The following COL21A1 variants were observed in gnomAD, a reference collection of about 807,000 sequenced individuals.
COL21A1 encodes the protein collagen type XXI alpha 1 chain.
A neutral mutation model predicts 137.9 loss-of-function variants in COL21A1; 149 were observed. That is an observed-to-expected ratio of 1.08 (90% CI 0.95 to 1.24). The LOEUF (loss-of-function observed/expected upper bound fraction) is 1.24, where lower values mean the gene tolerates loss of function less well. Among genes scored for constraint, COL21A1 ranks in the 50% most tolerant of loss-of-function variants. The pLI is 0.00. For missense variants in COL21A1, 1,167 were observed against 1,158.4 expected (o/e 1.01, Z -0.11); for synonymous variants, 456 against 391.5 (o/e 1.16, Z -1.95).
At chr6:56,088,341 GC>G (rs1768458128) in intron 17 of COL21A1, among the ~76,000 whole-genome samples, 1 of 152,050 alleles carries the variant, frequency 6.6e-6, no homozygotes. Flanking sequence ...TCCAGCCTGG[GC>G]AACAGAGTGA....
chr6:56,382,641 T>C (rs1317377585), intron 1 of COL21A1, among the ~76,000 whole-genome samples: 1 of 152,074 alleles, frequency 6.6e-6, no homozygotes, highest in African/African-American at 2.4e-5. Flanking sequence ...AGGAAGATCC[T>C]TTCCTCTCCC....
At chr6:56,076,401 G>A (rs12189737) in intron 18 of COL21A1, among the ~76,000 whole-genome samples, 23,427 of 151,112 alleles carry the variant, frequency 0.16, 1,845 homozygotes, top group Middle Eastern at 0.22. Flanking sequence ...AGAATAATAA[G>A]TAATAAATAA....
chr6:56,276,444 G>A (rs771907188), intron 1 of COL21A1: 324 of 608,804 alleles, frequency 5.3e-4, no homozygotes, highest in Non-Finnish European at 8.7e-4. Flanking sequence ...GTCAACAAAA[G>A]TCTTTCTTTC....
chr6:56,262,808 C>T (rs1763308851), intron 1 of COL21A1, among the ~76,000 whole-genome samples: 1 of 152,012 alleles, frequency 6.6e-6, no homozygotes, highest in Admixed American at 6.6e-5. Flanking sequence ...ATGCAGCTCC[C>T]AGGTCTGTAG....
chr6:56,086,387 T>C (rs1768248432), intron 17 of COL21A1, among the ~76,000 whole-genome samples: 1 of 152,136 alleles, frequency 6.6e-6, no homozygotes, highest in Non-Finnish European at 1.5e-5. Flanking sequence ...TAGTTTTGGC[T>C]GAAAGCATTA....
At chr6:56,342,182 C>G (rs1002140804) in intron 1 of COL21A1, among the ~76,000 whole-genome samples, 1 of 152,088 alleles carries the variant, frequency 6.6e-6, no homozygotes, top group African/African-American at 2.4e-5. Context: ...AAAGGAATAA[C>G]GTGGTTTCTG....
In COL21A1 at chr6:56,311,657, T is replaced by C. The variant is rs558482047; in HGVS notation, c.-39+82314A>G. On this transcript the variant is annotated intron_variant, in intron 1 of 28. Coordinates refer to the COL21A1 transcript ENST00000370819. The stretch of plus-strand genomic sequence containing the variant: ...GTACATGTATTTCTGTAAAAATAAA[T>C]AGTTACCCACAAGATGTTGAAACTG... Among the ~76,000 whole-genome samples, 3 of 152,312 alleles carry C rather than the reference T, an allele frequency of 2.0e-5. No individual in the cohort carries two copies. In the South Asian group the frequency reaches 6.2e-4, roughly 32 times the overall value.
At chr6:56,351,296 G>A (rs566366491) in intron 1 of COL21A1, among the ~76,000 whole-genome samples, 11 of 152,368 alleles carry the variant, frequency 7.2e-5, no homozygotes, top group African/African-American at 2.4e-4. Flanking sequence ...ACAATGCTGA[G>A]AGGGATACAG....
intron 1 of COL21A1, among the ~76,000 whole-genome samples, chr6:56,318,089 C>A (rs1420075030): frequency 6.6e-6 from 1 of 152,124 alleles, no homozygotes; most frequent in African/African-American, 2.4e-5. Context: ...ATAATGACCA[C>A]AGTAAAAACA....
At chr6:56,225,293 C>T (rs879721635) in intron 1 of COL21A1, among the ~76,000 whole-genome samples, 1 of 152,050 alleles carries the variant, frequency 6.6e-6, no homozygotes, top group Non-Finnish European at 1.5e-5. Context: ...TATCAAGAAA[C>T]TAACCACTAG....
chr6:56,327,040 T>A (rs1400685517), intron 1 of COL21A1, among the ~76,000 whole-genome samples: 1 of 152,076 alleles, frequency 6.6e-6, no homozygotes, highest in Non-Finnish European at 1.5e-5. Context: ...TCCCTTTTTA[T>A]GTAAACCAGT....
chr6:56,256,810 T>C (rs912881506), intron 1 of COL21A1, among the ~76,000 whole-genome samples: 1 of 152,096 alleles, frequency 6.6e-6, no homozygotes, highest in Admixed American at 6.5e-5. Context: ...TCAATGTTAG[T>C]TGAACAATGC....
chr6:56,098,086 A>T (rs571755960), intron 17 of COL21A1, among the ~76,000 whole-genome samples: 1 of 3,890 alleles, frequency 2.6e-4, no homozygotes. Flanking sequence ...TATAAATATA[A>T]ATATATATAA....
intron 10 of COL21A1, among the ~76,000 whole-genome samples, chr6:56,147,863 C>A (rs1014772674): frequency 2.6e-5 from 4 of 152,168 alleles, no homozygotes; most frequent in Admixed American, 6.6e-5. Context: ...TGCCAAGATA[C>A]TCCGCAAGCC....
chr6:56,383,651 C>T (rs1581796183), intron 1 of COL21A1, among the ~76,000 whole-genome samples: 1 of 152,290 alleles, frequency 6.6e-6, no homozygotes, highest in Non-Finnish European at 1.5e-5. Context: ...AGGAAGTGGG[C>T]AGAAGCACCA....
At chr6:56,298,105 T>TAA (rs111713033) in intron 1 of COL21A1, among the ~76,000 whole-genome samples, 18,986 of 142,764 alleles carry the variant, frequency 0.13, 1,260 homozygotes, top group Middle Eastern at 0.22. Context: ...GATGCTAAAT[T>TAA]AAAAAAAAAA....
chr6:56,142,072 G>C, intron 10 of COL21A1, 89 bp from the exon 11 acceptor site: 1 of 946,528 alleles, frequency 1.1e-6, no homozygotes, highest in Non-Finnish European at 1.6e-6. Context: ...CTTATCTCAA[G>C]TTTCTCATGC....
At chr6:56,178,281 G>T (rs1401532081) in intron 3 of COL21A1, among the ~76,000 whole-genome samples, 1 of 152,122 alleles carries the variant, frequency 6.6e-6, no homozygotes, top group East Asian at 1.9e-4. Context: ...AATCCCATTG[G>T]CCTGTTCAGT....
At position 56,247,379 on chromosome 6, in the gene COL21A1, C is replaced by T. The variant is rs1336042794; in HGVS notation, c.-39+8G>A. ...GCAGCGAGAGGGGAGTAGGAGGTGT[C>T]TCCTTACCTGGCGCAGTGTCCAGGC... On this transcript the variant is annotated splice_region_variant and intron_variant, in intron 1 of 29. Coordinates refer to ENST00000244728, the MANE Select transcript of COL21A1 (RefSeq NM_030820.4). The T allele has an allele frequency of 2.0e-5, 3 of 152,216 alleles. No homozygotes were observed. Among genetic ancestry groups the T allele is most frequent in the African/African-American group, 4.8e-5 (2 of 41,420 alleles). 9.4% of individuals were successfully genotyped at this position (152,216 alleles called of 1,614,324 possible).
Sources: allele counts gnomAD v4.1 joint callset (sites outside exome capture counted in the v4.1 genomes callset), GRCh38; gene constraint gnomAD v4.1.1; transcripts MANE v1.5; gene names NCBI Gene and HGNC (gene_info 2026-07-23, HGNC 2026-07-21).